SMOC2: variants seen among roughly 807,000 people sequenced by gnomAD.
SMOC2 encodes SPARC-related modular calcium-binding protein 2.
SMOC2 carries 39 observed loss-of-function variants against 61.4 expected under a neutral mutation model. That is an observed-to-expected ratio of 0.64 (90% CI 0.49 to 0.83). SMOC2 has a LOEUF of 0.83. SMOC2 is among the 40% of genes least tolerant of loss of function. The pLI is 0.00. For missense variants in SMOC2, 556 were observed against 592.9 expected (o/e 0.94, Z 0.65); for synonymous variants, 247 against 239.9 (o/e 1.03, Z -0.27).
At chr6:168,617,597 A>G (rs1786127727) in intron 9 of SMOC2, among the ~76,000 whole-genome samples, 3 of 152,156 alleles carry the variant, frequency 2.0e-5, no homozygotes, top group Admixed American at 6.5e-5. Flanking sequence ...CTCTGCTCCA[A>G]GCTCTCTTGC....
rs994103501 is a variant in SMOC2, at chr6:168,452,788, G to A, written c.84+11334G>A. ...TGTTAAATTCCAAACATATCTGTAGGTTGTCTGGCCAACTTTATTCTAGAA... is the reference window on the plus strand; with the variant it reads ...TGTTAAATTCCAAACATATCTGTAGATTGTCTGGCCAACTTTATTCTAGAA... On this transcript the variant is annotated intron_variant, in intron 1 of 12. Coordinates refer to ENST00000356284, the MANE Select transcript of SMOC2 (RefSeq NM_001166412.2). The surrounding 1 kb of genome is among the most constrained non-coding windows in gnomAD (Gnocchi z 5.0). 2.0e-5 allele frequency among the ~76,000 whole-genome samples: 3 copies of A among 152,114 alleles called. No individual in the cohort carries two copies. Among genetic ancestry groups the A allele is most frequent in the African/African-American group, 7.2e-5 (3 of 41,418 alleles).
chr6:168,655,305 T>C (rs1007733020), intron 11 of SMOC2: 2 of 429,586 alleles, frequency 4.7e-6, no homozygotes, highest in African/African-American at 2.0e-5. Context: ...AAATCATTGC[T>C]GTGGCCCAGA....
At chr6:168,447,397 C>T (rs1470421414) in intron 1 of SMOC2, among the ~76,000 whole-genome samples, 1 of 152,162 alleles carries the variant, frequency 6.6e-6, no homozygotes, top group Admixed American at 6.5e-5. Flanking sequence ...TCTCCTTTTA[C>T]CAAGATACTG....
chr6:168,625,250 A>C (rs1786373165), intron 9 of SMOC2, among the ~76,000 whole-genome samples: 1 of 152,176 alleles, frequency 6.6e-6, no homozygotes, highest in Non-Finnish European at 1.5e-5. Flanking sequence ...GCAGCTTAGG[A>C]TGCTGCCCCT....
intron 4 of SMOC2, among the ~76,000 whole-genome samples, chr6:168,533,896 G>A (rs1783669306): frequency 6.6e-6 from 1 of 152,112 alleles, no homozygotes; most frequent in African/African-American, 2.4e-5. Context: ...AATGAGAGGT[G>A]GTCACTTCAG....
At chr6:168,521,074 A>G (rs940019078) in intron 2 of SMOC2, among the ~76,000 whole-genome samples, 4 of 152,260 alleles carry the variant, frequency 2.6e-5, no homozygotes, top group African/African-American at 9.6e-5. Context: ...AACACTCATC[A>G]TAAGTAACCA....
At chr6:168,465,750 G>A (rs1781816364) in intron 1 of SMOC2, among the ~76,000 whole-genome samples, 1 of 148,748 alleles carries the variant, frequency 6.7e-6, no homozygotes, top group East Asian at 2.0e-4. Flanking sequence ...GAACTGGGGG[G>A]CTCTGGATGA....
chr6:168,616,570 C>T (rs1264660573), intron 9 of SMOC2, among the ~76,000 whole-genome samples: 1 of 152,172 alleles, frequency 6.6e-6, no homozygotes, highest in Admixed American at 6.5e-5. Flanking sequence ...GAAGAGAGAG[C>T]TGAATCTACA....
intron 2 of SMOC2, among the ~76,000 whole-genome samples, chr6:168,518,739 G>A (rs1311973109): frequency 6.6e-6 from 1 of 151,332 alleles, no homozygotes; most frequent in South Asian, 2.1e-4. Context: ...GTGCATGTGT[G>A]TGAATGTGCA....
chr6:168,580,377 C>T (rs1026082118), intron 7 of SMOC2, among the ~76,000 whole-genome samples: 7 of 152,282 alleles, frequency 4.6e-5, no homozygotes, highest in South Asian at 4.2e-4. Flanking sequence ...GGTCCTCAGA[C>T]GCCGAGGCTG....
chr6:168,601,633 C>A (rs1218827898), intron 8 of SMOC2, among the ~76,000 whole-genome samples: 1 of 152,162 alleles, frequency 6.6e-6, no homozygotes, highest in African/African-American at 2.4e-5. Flanking sequence ...GCAGCCCCAG[C>A]CCCCAGTGAG....
chr6:168,504,464 A>AC (rs1304338328), intron 1 of SMOC2, among the ~76,000 whole-genome samples: 1 of 150,472 alleles, frequency 6.6e-6, no homozygotes, highest in Non-Finnish European at 1.5e-5. Context: ...CGCAACCTAG[A>AC]CCCCTCAGAT....
At chr6:168,526,229 C>T (rs879537300) in intron 2 of SMOC2, 117 bp from the exon 3 acceptor site, 2 of 856,300 alleles carry the variant, frequency 2.3e-6, no homozygotes, top group Non-Finnish European at 3.7e-6. Context: ...CCCTTTCCAG[C>T]CTCCAGGTCC....
At chr6:168,525,537 C>A (rs2115073383) in intron 2 of SMOC2, among the ~76,000 whole-genome samples, 1 of 152,264 alleles carries the variant, frequency 6.6e-6, no homozygotes, top group Non-Finnish European at 1.5e-5. Context: ...CTTAGATATG[C>A]CTGGAAGTCT....
intron 2 of SMOC2, among the ~76,000 whole-genome samples, chr6:168,517,999 CTT>C (rs1266473439): frequency 3.3e-5 from 5 of 152,362 alleles, no homozygotes; most frequent in African/African-American, 4.8e-5. Flanking sequence ...CCAAAGAATT[CTT>C]TCTCTCTGGA....
rs551183247 is a variant in SMOC2 at position 168,523,079 on chromosome 6, A to ATTCTTT, written c.257-3265_257-3264insCTTTTT. ...TTATGTTATTTGTAGTTGTACAGTA[A>ATTCTTT]TTTTTTTTTTTTTTTTTTTTGAGAC... On this transcript the variant is annotated intron_variant, in intron 2 of 12. Coordinates refer to ENST00000356284, the MANE Select transcript of SMOC2 (RefSeq NM_001166412.2). Among the ~76,000 whole-genome samples the ATTCTTT allele has an allele frequency of 3.1e-3, 291 of 93,678 alleles. 54 individuals are homozygous for ATTCTTT. The highest frequency in any genetic ancestry group is 0.014 in the South Asian group (34 of 2,406). 61.5% of individuals were successfully genotyped at this position (93,678 alleles called of 152,430 possible). A position where few individuals can be genotyped will look rare whatever the true frequency, so the allele number is the denominator to read the frequency against.
chr6:168,590,894 CAT>C (rs1270281260), intron 7 of SMOC2, among the ~76,000 whole-genome samples: 15 of 152,184 alleles, frequency 9.9e-5, no homozygotes, highest in African/African-American at 1.9e-4. Flanking sequence ...GAAACGAACT[CAT>C]ATTTTTTTAA....
chr6:168,596,838 T>A (rs1411046216), intron 7 of SMOC2, among the ~76,000 whole-genome samples: 1 of 152,248 alleles, frequency 6.6e-6, no homozygotes, highest in Non-Finnish European at 1.5e-5. Context: ...TATGCACCTG[T>A]GCATTTGCTG....
intron 2 of SMOC2, among the ~76,000 whole-genome samples, chr6:168,511,829 T>TTTTTTTC (rs1554285806): frequency 6.6e-6 from 1 of 151,322 alleles, no homozygotes; most frequent in Non-Finnish European, 1.5e-5. Context: ...TTTTTTTTTT[T>TTTTTTTC]CTGAAATTAC....
Sources: gnomAD v4.1 joint callset for allele counts (sites outside exome capture counted in the v4.1 genomes callset) on GRCh38, gnomAD v4.1.1 for gene constraint, Gnocchi (gnomAD v3.1) non-coding constraint, MANE v1.5 for transcripts, NCBI Gene and HGNC (gene_info 2026-07-23, HGNC 2026-07-21) for gene names.